Variants in TRIM4 observed in about 807,000 individuals in gnomAD.
The protein encoded by TRIM4 is tripartite motif containing 4, also known as E3 ubiquitin-protein ligase TRIM4.
Under a neutral mutation model 33.7 loss-of-function variants are expected in TRIM4, and 29 were observed. The ratio of observed to expected loss-of-function variants is 0.86; its 90% confidence interval spans 0.64 to 1.17. The LOEUF (loss-of-function observed/expected upper bound fraction) is 1.17. Among genes scored for constraint, TRIM4 ranks in the 50% most tolerant of loss-of-function variants. TRIM4 has a pLI of 0.00. For missense variants in TRIM4, 554 were observed against 593.7 expected (o/e 0.93, Z 0.69); for synonymous variants, 224 against 233.0 (o/e 0.96, Z 0.35).
chr7:99,901,041 C>T (rs1238138444), intron 5 of TRIM4: 1 of 152,130 alleles, frequency 6.6e-6, no homozygotes, highest in African/African-American at 2.4e-5. Flanking sequence ...ATCTCCCTCC[C>T]CACTCCTCTC....
intron 3 of TRIM4, among the ~76,000 whole-genome samples, chr7:99,907,024 A>T (rs1819321669): frequency 6.6e-6 from 1 of 152,180 alleles, no homozygotes; most frequent in Non-Finnish European, 1.5e-5. Flanking sequence ...GTAAAAGTAA[A>T]GGAAATCAAT....
At chr7:99,900,282 C>CA (rs1819129427) in intron 5 of TRIM4, among the ~76,000 whole-genome samples, 1 of 151,880 alleles carries the variant, frequency 6.6e-6, no homozygotes, top group South Asian at 2.1e-4. Flanking sequence ...AAGGTCAAGC[C>CA]TTTTTTTTCT....
In TRIM4 at chr7:99,896,704, G is replaced by C. The variant is rs552560485; in HGVS notation, c.842-3958C>G. On this transcript the variant is annotated intron_variant, in intron 5 of 5. Transcript: ENST00000349062. ...CAATGGGATCAGGGGAGAATCCACGGTGGAAATCCTGGGCTGGTTGTCCAC... is the reference window on the plus strand; with the variant it reads ...CAATGGGATCAGGGGAGAATCCACGCTGGAAATCCTGGGCTGGTTGTCCAC... Among the ~76,000 whole-genome samples, 7 of 152,384 alleles carry C rather than the reference G, an allele frequency of 4.6e-5. No individual in the cohort carries two copies. The South Asian group carries it at 1.2e-3, about 27-fold the overall frequency.
At chr7:99,898,323 T>C (rs993658594) in intron 5 of TRIM4, among the ~76,000 whole-genome samples, 1 of 152,192 alleles carries the variant, frequency 6.6e-6, no homozygotes, top group Non-Finnish European at 1.5e-5. Context: ...AAAGGCATGA[T>C]AATAGCATGT....
At chr7:99,903,157 CTCTT>C (rs1819214219) in intron 5 of TRIM4, 57 bp downstream of exon 5, 1 of 1,274,436 alleles carries the variant, frequency 7.8e-7, no homozygotes, top group Admixed American at 2.0e-5. Flanking sequence ...CCAGACTTCT[CTCTT>C]TATTCTCCTA....
intron 3 of TRIM4, chr7:99,908,318 A>G: frequency 2.8e-6 from 1 of 361,318 alleles, no homozygotes. Context: ...AAAATCTTAT[A>G]TGTGCTAAGT....
intron 1 of TRIM4, chr7:99,916,860 A>G (rs537047269): frequency 1.3e-6 from 1 of 752,476 alleles, no homozygotes; most frequent in East Asian, 2.4e-5. Context: ...AGAAAGTTCA[A>G]TCTTTTTACT....
rs73711661 is a variant in TRIM4, at chr7:99,891,738, T to C, written c.*425A>G. 391 of 163,128 alleles carry C rather than the reference T, an allele frequency of 2.4e-3. 1 individual carries two copies. Among genetic ancestry groups the C allele is most frequent in the African/African-American group, 8.5e-3 (356 of 41,746 alleles). The allele number at this position is 163,128 out of a possible 1,614,324, so 10.1% of individuals were successfully genotyped here. On this transcript the variant is annotated 3_prime_UTR_variant, in exon 6 of 6. Transcript: ENST00000349062. ...TGCAAGTAACCAAATACAACTAAAA[T>C]TGTCTTATACAATAAGGGCGTAATT...
In TRIM4 at chr7:99,903,579, G is replaced by T. The variant is rs774210115; in HGVS notation, c.740C>A (p.Thr247Asn). The change falls in exon 4 of 6, where the codon ACC becomes AAC. Residue 247 changes from threonine (T) to asparagine (N), a missense_variant. Thr to Asn is a moderately conservative substitution (Grantham distance 65). Around this residue, in one of 3 missense-constraint regions of TRIM4, gnomAD observed 290 missense variants for 335.8 expected, o/e 0.86. Transcript: ENST00000349062. ...ELLQNPKEVL[T>N]RSEIQDVNYS... The stretch of plus-strand genomic sequence containing the variant: ...ATAAGAGAACAGGAGTGCATACCTG[G>T]TCAACACTTCTTTTGGATTCTGTGA... 18 of 1,614,020 alleles carry T rather than the reference G, an allele frequency of 1.1e-5. No individual in the cohort carries two copies. The South Asian group carries it at 1.5e-4, about 14-fold the overall frequency.
At chr7:99,905,147 A>G (rs1035204837) in intron 3 of TRIM4, among the ~76,000 whole-genome samples, 2 of 152,194 alleles carry the variant, frequency 1.3e-5, no homozygotes, top group Non-Finnish European at 2.9e-5. Flanking sequence ...GACTGAGGGC[A>G]GGAGATGACA....
At chr7:99,905,920 G>A (rs765746400) in intron 3 of TRIM4, among the ~76,000 whole-genome samples, 65 of 152,124 alleles carry the variant, frequency 4.3e-4, no homozygotes, top group Non-Finnish European at 8.2e-4. Flanking sequence ...CAAGGCAGGC[G>A]GATCACTCGA....
intron 3 of TRIM4, among the ~76,000 whole-genome samples, chr7:99,907,315 G>A (rs1819330171): frequency 6.6e-6 from 1 of 152,086 alleles, no homozygotes; most frequent in Non-Finnish European, 1.5e-5. Context: ...TCACCATGTT[G>A]GCCAGTCTGG....
chr7:99,910,679 A>C (rs1433353043), intron 1 of TRIM4, among the ~76,000 whole-genome samples: 1 of 152,244 alleles, frequency 6.6e-6, no homozygotes, highest in Non-Finnish European at 1.5e-5. Flanking sequence ...TGGCTTACGA[A>C]TTTGGAGGTG....
intron 1 of TRIM4, among the ~76,000 whole-genome samples, chr7:99,910,744 A>C (rs1299265794): frequency 6.6e-6 from 1 of 152,242 alleles, no homozygotes; most frequent in Non-Finnish European, 1.5e-5. Flanking sequence ...GGCATATGCC[A>C]TTTTTGTAAT....
chr7:99,897,016 G>A (rs1050396639), intron 5 of TRIM4, among the ~76,000 whole-genome samples: 1 of 152,250 alleles, frequency 6.6e-6, no homozygotes, highest in African/African-American at 2.4e-5. Flanking sequence ...TGTCCCACCT[G>A]TGGGAACAGG....
chr7:99,915,710 T>C (rs1356352424), intron 1 of TRIM4, among the ~76,000 whole-genome samples: 5 of 152,194 alleles, frequency 3.3e-5, no homozygotes, highest in Non-Finnish European at 7.3e-5. Context: ...GATGGGCGGA[T>C]ATCAGGGAAT....
At chr7:99,906,235 T>G (rs995507155) in intron 3 of TRIM4, among the ~76,000 whole-genome samples, 29 of 152,068 alleles carry the variant, frequency 1.9e-4, no homozygotes, top group African/African-American at 7.0e-4. Context: ...ATTGGGGACA[T>G]GAGGAAGCTT....
At chr7:99,893,370 C>T (rs13310326) in intron 5 of TRIM4, among the ~76,000 whole-genome samples, 10,114 of 151,932 alleles carry the variant, frequency 0.067, 358 homozygotes, top group African/African-American at 0.072. Context: ...CAAATTCTCA[C>T]GTTGAATCAA....
At chr7:99,912,626 A>G (rs539848809) in intron 1 of TRIM4, among the ~76,000 whole-genome samples, 21 of 152,338 alleles carry the variant, frequency 1.4e-4, no homozygotes, top group Admixed American at 5.9e-4. Flanking sequence ...AAAAGCATCA[A>G]AAGGAAATAA....
Sources: allele counts gnomAD v4.1 joint callset (sites outside exome capture counted in the v4.1 genomes callset), GRCh38; gene constraint gnomAD v4.1.1; regional missense constraint gnomAD v4.1.1; transcripts MANE v1.5; gene names NCBI Gene and HGNC (gene_info 2026-07-23, HGNC 2026-07-21).